Variants in ZNF124 observed in about 807,000 individuals in gnomAD.
ZNF124 encodes zinc finger protein HZF-16.
In ZNF124, 25 loss-of-function variants were observed where a neutral mutation model predicts 26.6. The observed-to-expected ratio is 0.94, with a 90% CI of 0.68 to 1.31. The LOEUF (loss-of-function observed/expected upper bound fraction) is 1.31. Ranked by LOEUF, ZNF124 falls within the 40% of genes most tolerant of loss-of-function variation. The pLI is 0.00. For missense variants in ZNF124, 444 were observed against 422.2 expected (o/e 1.05, Z -0.45); for synonymous variants, 129 against 133.3 (o/e 0.97, Z 0.22).
chr1:247,134,069 C>T (rs184590003), intron 3 of ZNF124, among the ~76,000 whole-genome samples: 2 of 152,290 alleles, frequency 1.3e-5, no homozygotes, highest in Admixed American at 1.3e-4. Context: ...GATTTCGTTA[C>T]TACCAGGCCC....
At chr1:247,123,647 G>C (rs545896481) in exon 4 of ZNF124, 92 of 485,692 alleles carry the variant, frequency 1.9e-4, no homozygotes, top group African/African-American at 1.6e-3. Flanking sequence ...GTTCCAAATG[G>C]TGAAGAGTAC....
chr1:247,154,219 G>A (rs1673026587), downstream of ZNF124, among the ~76,000 whole-genome samples: 1 of 152,218 alleles, frequency 6.6e-6, no homozygotes, highest in Admixed American at 6.5e-5. Flanking sequence ...CCAGGTGGAG[G>A]TAACTGAATC....
At chr1:247,150,339 T>C (rs571958734), downstream of ZNF124, among the ~76,000 whole-genome samples, 28 of 152,328 alleles carry the variant, frequency 1.8e-4, 2 homozygotes, top group South Asian at 5.4e-3. Flanking sequence ...ATTGACTCTT[T>C]GGTGCTGTGG....
intron 3 of ZNF124, among the ~76,000 whole-genome samples, chr1:247,140,223 A>G (rs1672591672): frequency 6.6e-6 from 1 of 152,192 alleles, no homozygotes; most frequent in Admixed American, 6.5e-5. Flanking sequence ...CTTATTTCAG[A>G]GAGCCAGTCT....
intron 1 of ZNF124, 162 bp from the exon 2 acceptor site, chr1:247,159,975 AG>A: frequency 7.1e-5 from 24 of 340,290 alleles, no homozygotes; most frequent in Non-Finnish European, 1.0e-4. Flanking sequence ...CCCACATAGC[AG>A]TTCTTTTTTT....
chr1:247,165,910 G>C (rs902783924), intron 1 of ZNF124, among the ~76,000 whole-genome samples: 1 of 152,200 alleles, frequency 6.6e-6, no homozygotes, highest in Non-Finnish European at 1.5e-5. Flanking sequence ...GGGCAGGGTG[G>C]TTCATGCCTG....
chr1:247,150,599 T>G (rs997336674), downstream of ZNF124, among the ~76,000 whole-genome samples: 6 of 152,102 alleles, frequency 3.9e-5, no homozygotes, highest in Non-Finnish European at 7.4e-5. Context: ...ACAGCATCTC[T>G]GTGGCCTTAA....
At chr1:247,166,650 T>G (rs1404496650) in intron 1 of ZNF124, among the ~76,000 whole-genome samples, 1 of 152,174 alleles carries the variant, frequency 6.6e-6, no homozygotes, top group African/African-American at 2.4e-5. Flanking sequence ...CACCAGCAAG[T>G]TGGATAACAT....
intron 3 of ZNF124, among the ~76,000 whole-genome samples, chr1:247,124,395 G>A (rs1040950567): frequency 2.6e-5 from 4 of 151,430 alleles, no homozygotes; most frequent in Admixed American, 2.0e-4. Context: ...TAGAGACAGC[G>A]TTTCACCATG....
intron 3 of ZNF124, among the ~76,000 whole-genome samples, chr1:247,146,675 T>TTTGGAAA (rs1355492862): frequency 4.1e-5 from 6 of 144,668 alleles, no homozygotes; most frequent in Non-Finnish European, 8.8e-5. Flanking sequence ...CTAAACCTTA[T>TTTGGAAA]TTGGAAAGCA....
In ZNF124 at chr1:247,159,084, A is replaced by T. The variant is rs1264010684; in HGVS notation, c.158-18T>A. On this transcript the variant is annotated intron_variant, in intron 2 of 3. Transcript: ENST00000543802. ...TTTGTTTCCTAAAATGTAGACCCAG[A>T]AATATATTACAAATTATTTGAAATT... 1 of 1,603,658 alleles carries T rather than the reference A, an allele frequency of 6.2e-7. No individual in the cohort carries two copies. The highest frequency in any genetic ancestry group is 1.1e-5 in the South Asian group (1 of 89,544).
chr1:247,134,100 A>ATACG (rs1672431555), intron 3 of ZNF124, among the ~76,000 whole-genome samples: 1 of 152,230 alleles, frequency 6.6e-6, no homozygotes, highest in African/African-American at 2.4e-5. Flanking sequence ...AGCTCCTGAA[A>ATACG]GAAGCACTAA....
chr1:247,165,241 C>T (rs1019916354), intron 1 of ZNF124, among the ~76,000 whole-genome samples: 6 of 152,184 alleles, frequency 3.9e-5, no homozygotes, highest in African/African-American at 1.4e-4. Context: ...GCTGGGATTA[C>T]AGGCGTGAGC....
At chr1:247,154,869 T>C (rs931893465), downstream of ZNF124, among the ~76,000 whole-genome samples, 2 of 152,296 alleles carry the variant, frequency 1.3e-5, no homozygotes, top group African/African-American at 4.8e-5. Flanking sequence ...TATACCATGT[T>C]AACAGAATAA....
In ZNF124 at chr1:247,156,875, C is replaced by A. The variant is rs762530663; in HGVS notation, c.747G>T (p.Leu249Phe). 6.2e-7 allele frequency: 1 copy of A among 1,613,538 alleles called. No individual in the cohort carries two copies. Among genetic ancestry groups the A allele is most frequent in the Non-Finnish European group, 8.5e-7 (1 of 1,179,894 alleles). Residue 249 changes from leucine (L) to phenylalanine (F), a missense_variant, in exon 4 of 4, where the codon TTG becomes TTT. Coordinates refer to ENST00000543802, the MANE Select transcript of ZNF124 (RefSeq NM_001297568.2). The part of the protein sequence containing the change: ...CGKAFSCLSS[L>F]QGHIKAHAGE... ...CAGCATGAGCCTTTATATGTCCTTG[C>A]AAGGAACTGAGACAACTGAAAGCTT...
chr1:247,156,435 C>T lies in ZNF124; in HGVS notation c.*131G>A. On this transcript the variant is annotated 3_prime_UTR_variant, in exon 4 of 4. Coordinates refer to ENST00000543802, the MANE Select transcript of ZNF124 (RefSeq NM_001297568.2). Reference sequence around the variant, plus strand: ...TTGCTTATAGTCATAGGGTTTATCTCCAGTTTGATTCGTTTCATGTATTTG... The same window carrying T: ...TTGCTTATAGTCATAGGGTTTATCTTCAGTTTGATTCGTTTCATGTATTTG... 1.5e-6 allele frequency: 2 copies of T among 1,339,772 alleles called. No individual in the cohort carries two copies. Among genetic ancestry groups the T allele is most frequent in the South Asian group, 4.6e-5 (2 of 43,816 alleles). 83.0% of individuals were successfully genotyped at this position (1,339,772 alleles called of 1,614,324 possible). A position where few individuals can be genotyped will look rare whatever the true frequency, so the allele number is the denominator to read the frequency against.
In ZNF124 at chr1:247,168,393, C is replaced by T. The variant is rs1427838651; in HGVS notation, c.30+3455G>A. ...AAAATACAAAAAAAATTTAGCTGGGCGTGATGGTGCATGCCTGTAGTCCCA... is the reference window on the plus strand; with the variant it reads ...AAAATACAAAAAAAATTTAGCTGGGTGTGATGGTGCATGCCTGTAGTCCCA... On this transcript the variant is annotated intron_variant, in intron 1 of 3. Coordinates refer to ENST00000543802, the MANE Select transcript of ZNF124 (RefSeq NM_001297568.2). This position sits in a 1 kb window ranked among gnomAD's most constrained non-coding sequence, Gnocchi z 4.0. Among the ~76,000 whole-genome samples, 4 of 152,198 alleles carry T rather than the reference C, an allele frequency of 2.6e-5. No homozygotes were observed. The highest frequency in any genetic ancestry group is 2.0e-4 in the Admixed American group (3 of 15,292).
chr1:247,131,961 C>T (rs1480316899), intron 3 of ZNF124, among the ~76,000 whole-genome samples: 1 of 152,184 alleles, frequency 6.6e-6, no homozygotes, highest in Non-Finnish European at 1.5e-5. Flanking sequence ...TTCCCTGTGC[C>T]ACCCAACTGG....
intron 3 of ZNF124, among the ~76,000 whole-genome samples, chr1:247,133,902 CT>C (rs767415631): frequency 5.3e-5 from 8 of 152,104 alleles, no homozygotes; most frequent in Non-Finnish European, 1.2e-4. Flanking sequence ...ACCCACCCAC[CT>C]CGGCCTCCTA....
Sources: gnomAD v4.1 joint callset for allele counts (sites outside exome capture counted in the v4.1 genomes callset) on GRCh38, gnomAD v4.1.1 for gene constraint, Gnocchi (gnomAD v3.1) non-coding constraint, MANE v1.5 for transcripts, NCBI Gene and HGNC (gene_info 2026-07-23, HGNC 2026-07-21) for gene names.